The following DNAI1 variants were observed in gnomAD, a reference collection of about 807,000 sequenced individuals.
DNAI1 encodes dynein axonemal intermediate chain 1.
A neutral mutation model predicts 92.0 loss-of-function variants in DNAI1; 67 were observed. The observed-to-expected ratio is 0.73, with a 90% CI of 0.60 to 0.89. The LOEUF is 0.89. Among genes scored for constraint, DNAI1 ranks in the 40% least tolerant of loss-of-function variants. The pLI is 0.00. For synonymous variants in DNAI1, 323 were observed against 319.6 expected (o/e 1.01, Z -0.11); for missense variants, 839 against 866.6 (o/e 0.97, Z 0.40).
At chr9:34,496,283 T>G (rs1824724355) in intron 9 of DNAI1, among the ~76,000 whole-genome samples, 1 of 152,230 alleles carries the variant, frequency 6.6e-6, no homozygotes. Context: ...CGCTGCTGTT[T>G]CTGAGACATC....
At chr9:34,502,756 C>T (rs912840763) in intron 12 of DNAI1, among the ~76,000 whole-genome samples, 3 of 152,064 alleles carry the variant, frequency 2.0e-5, no homozygotes, top group Admixed American at 6.6e-5. Flanking sequence ...GCTACATCCA[C>T]GTGCCTGAGT....
chr9:34,485,373 T>C (rs2132057565), intron 3 of DNAI1, 64 bp from the exon 4 acceptor site: 1 of 1,592,958 alleles, frequency 6.3e-7, no homozygotes, highest in East Asian at 2.2e-5. Context: ...GAGGGATCCT[T>C]CTAAGCCTCA....
At chr9:34,461,453 C>G (rs1056045615) in intron 1 of DNAI1, among the ~76,000 whole-genome samples, 1 of 152,224 alleles carries the variant, frequency 6.6e-6, no homozygotes, top group Non-Finnish European at 1.5e-5. Flanking sequence ...ATCCCACCTC[C>G]TATGCCCCAC....
intron 9 of DNAI1, among the ~76,000 whole-genome samples, chr9:34,495,388 C>A (rs917580371): frequency 2.0e-5 from 3 of 152,124 alleles, no homozygotes; most frequent in Non-Finnish European, 4.4e-5. Flanking sequence ...ACCTACAGAC[C>A]TGGATTTATA....
chr9:34,466,031 A>G (rs1190489682), intron 1 of DNAI1, among the ~76,000 whole-genome samples: 1 of 152,154 alleles, frequency 6.6e-6, no homozygotes, highest in Non-Finnish European at 1.5e-5. Context: ...GTGAGAACCA[A>G]CTCAATCTTG....
At chr9:34,480,577 A>G (rs957031124) in intron 1 of DNAI1, among the ~76,000 whole-genome samples, 1 of 152,068 alleles carries the variant, frequency 6.6e-6, no homozygotes, top group Non-Finnish European at 1.5e-5. Flanking sequence ...AACTTTGTAC[A>G]TGATGTTTTC....
In DNAI1 at chr9:34,492,495, T is replaced by TAGATAG. The variant is rs1182075090; in HGVS notation, c.682-698_682-697insGATAGA. ...CGGGGTGGGGGTGGGGATATGAAGA[T>TAGATAG]ATATATATATATATATATATATATA... On this transcript the variant is annotated intron_variant, in intron 8 of 19. Coordinates refer to ENST00000242317, the MANE Select transcript of DNAI1 (RefSeq NM_012144.4). Among the ~76,000 whole-genome samples, 176 of 19,044 alleles carry TAGATAG rather than the reference T, an allele frequency of 9.2e-3. 8 individuals are homozygous for TAGATAG. Among genetic ancestry groups the TAGATAG allele is most frequent in the African/African-American group, 0.024 (160 of 6,532 alleles). The allele number at this position is 19,044 out of a possible 152,430, so 12.5% of individuals were successfully genotyped here. A position where few individuals can be genotyped will look rare whatever the true frequency, so the allele number is the denominator to read the frequency against.
chr9:34,500,562 T>C lies in DNAI1; in HGVS notation c.902-160T>C, dbSNP rs144363746. On this transcript the variant is annotated intron_variant, in intron 10 of 19. Transcript: ENST00000242317. ...TCTTTGCATATATTAACTCAATTCA[T>C]ATATCCTCACAACAGAACTCTGAGA... 3.2e-3 allele frequency among the ~76,000 whole-genome samples: 495 copies of C among 152,332 alleles called. 3 individuals are homozygous for C. Among genetic ancestry groups the C allele is most frequent in the Non-Finnish European group, 5.3e-3 (363 of 68,030 alleles).
chr9:34,473,126 A>G (rs1295971200), intron 1 of DNAI1, among the ~76,000 whole-genome samples: 1 of 151,940 alleles, frequency 6.6e-6, no homozygotes, highest in East Asian at 1.9e-4. Context: ...TGCCTTGGAG[A>G]GCTTTCCATA....
chr9:34,512,570 C>T, intron 15 of DNAI1, 146 bp downstream of exon 15: 1 of 796,318 alleles, frequency 1.3e-6, no homozygotes, highest in Non-Finnish European at 2.1e-6. Flanking sequence ...AGGCCCGGCC[C>T]TGTCTGCTGA....
intron 9 of DNAI1, among the ~76,000 whole-genome samples, chr9:34,495,857 C>T (rs1344152122): frequency 2.0e-5 from 3 of 152,136 alleles, no homozygotes; most frequent in Admixed American, 6.5e-5. Flanking sequence ...GAATAGAGAG[C>T]GTAGCTGGAA....
intron 4 of DNAI1, among the ~76,000 whole-genome samples, chr9:34,488,938 G>A (rs1824526609): frequency 6.6e-6 from 1 of 152,176 alleles, no homozygotes; most frequent in South Asian, 2.1e-4. Context: ...TGGAGAGAGG[G>A]TTATGCCAGG....
intron 10 of DNAI1, among the ~76,000 whole-genome samples, chr9:34,498,466 G>A (rs1824767449): frequency 1.3e-5 from 2 of 152,232 alleles, no homozygotes; most frequent in Admixed American, 6.5e-5. Context: ...AAGCCACTGA[G>A]CCGGAAGAGA....
intron 19 of DNAI1, among the ~76,000 whole-genome samples, chr9:34,519,356 A>C (rs1357338717): frequency 6.6e-6 from 1 of 152,176 alleles, no homozygotes; most frequent in Non-Finnish European, 1.5e-5. Flanking sequence ...GGGAAACTGA[A>C]GCTCAGAAAG....
intron 1 of DNAI1, among the ~76,000 whole-genome samples, chr9:34,472,899 T>TA (rs561518253): frequency 4.3e-4 from 60 of 138,036 alleles, no homozygotes; most frequent in South Asian, 6.9e-4. Flanking sequence ...AGACCCTGAC[T>TA]AAAAAAAAAA....
At position 34,500,907 on chromosome 9, in the gene DNAI1, C is replaced by T. The variant is rs935656322; in HGVS notation, c.1019+68C>T. 20 of 1,251,698 alleles carry T rather than the reference C, an allele frequency of 1.6e-5. No homozygotes were observed. The South Asian group carries it at 1.8e-4, about 11-fold the overall frequency. The allele number at this position is 1,251,698 out of a possible 1,614,324, so 77.5% of individuals were successfully genotyped here. A position where few individuals can be genotyped will look rare whatever the true frequency, so the allele number is the denominator to read the frequency against. ...CTCTACATCCCAAACCCCCAGTACC[C>T]CCTTCTGCACTTAACCACCTTGAGT... On this transcript the variant is annotated intron_variant, in intron 11 of 19. Transcript: ENST00000242317.
At chr9:34,513,044 A>C (rs1001991340) in intron 15 of DNAI1, 68 bp from the exon 16 acceptor site, 1 of 1,251,562 alleles carries the variant, frequency 8.0e-7, no homozygotes, top group Non-Finnish European at 1.2e-6. Context: ...TCCTCTGCTG[A>C]GTAGGGGAGG....
intron 1 of DNAI1, among the ~76,000 whole-genome samples, chr9:34,473,474 TAG>T (rs1824178814): frequency 6.6e-6 from 1 of 151,990 alleles, no homozygotes; most frequent in African/African-American, 2.4e-5. Flanking sequence ...GTATTTTTAG[TAG>T]AGACAGGGTT....
rs200411544 is a variant in DNAI1, at chr9:34,483,484, AG to A, written c.81+5del. 1.1e-3 allele frequency: 1,814 copies of A among 1,612,148 alleles called. 34 individuals carry two copies. In the Admixed American group the frequency reaches 0.025, roughly 22 times the overall value. ...AGGCAGAGGAACCAGGAAGAGAGTA[AG>A]TGCTGAGACTACCATGGTCTCTCAG... On this transcript the variant is annotated splice_donor_5th_base_variant and intron_variant, in intron 2 of 19. Coordinates refer to ENST00000242317, the MANE Select transcript of DNAI1 (RefSeq NM_012144.4).
Sources: gnomAD v4.1 joint callset for allele counts (sites outside exome capture counted in the v4.1 genomes callset) on GRCh38, gnomAD v4.1.1 for gene constraint, MANE v1.5 for transcripts, NCBI Gene and HGNC (gene_info 2026-07-23, HGNC 2026-07-21) for gene names.